Variants in STK40 observed in about 807,000 individuals in gnomAD.
The protein encoded by STK40 is serine/threonine kinase 40.
Under a neutral mutation model 47.9 loss-of-function variants are expected in STK40, and 13 were observed. The ratio of observed to expected loss-of-function variants is 0.27; its 90% CI spans 0.18 to 0.43. The LOEUF is 0.43. Ranked by LOEUF, STK40 falls within the 20% of genes least tolerant of loss-of-function variation. STK40 has a pLI of 1.00. For synonymous variants in STK40, 225 were observed against 243.2 expected (o/e 0.93, Z 0.69); for missense variants, 460 against 595.1 (o/e 0.77, Z 2.36).
At chr1:36,354,331 G>GT (rs776882069) in intron 6 of STK40, 33 bp downstream of exon 6, 3 of 1,612,732 alleles carry the variant, frequency 1.9e-6, no homozygotes, top group Admixed American at 3.3e-5. Context: ...CAGCCCCGGG[G>GT]TAACTGTATG....
rs772070192 is a variant in STK40, at chr1:36,341,942, T to A, written c.1121A>T (p.Glu374Val). 6.2e-7 allele frequency: 1 copy of A among 1,613,818 alleles called. No individual in the cohort carries two copies. The highest frequency in any genetic ancestry group is 1.3e-5 in the African/African-American group (1 of 74,938). Residue 374 changes from glutamate to valine, a missense_variant, in exon 11 of 11, where the codon GAG becomes GTG. Transcript: ENST00000373132. ...AKVTEECSQY[E>V]FENYMRQQLL... ...CTGCTGACGCATGTAGTTCTCAAAC[T>A]CGTACTGGGAGCACTCCTCCGTCAC... is the stretch of plus-strand genomic sequence containing the variant.
chr1:36,380,934 A>G (rs1019382311), intron 1 of STK40, among the ~76,000 whole-genome samples: 1 of 152,112 alleles, frequency 6.6e-6, no homozygotes, highest in Non-Finnish European at 1.5e-5. Context: ...TTCACTGGCC[A>G]TTATCTTCTC....
chr1:36,358,881 G>C (rs1455271789), intron 2 of STK40, 59 bp from the exon 3 acceptor site: 1 of 1,598,484 alleles, frequency 6.3e-7, no homozygotes, highest in Non-Finnish European at 8.6e-7. Flanking sequence ...ACGACGCCAG[G>C]TCACCACGTG....
chr1:36,343,598 A>C, intron 9 of STK40, 150 bp from the exon 10 acceptor site: 1 of 985,462 alleles, frequency 1.0e-6, no homozygotes, highest in South Asian at 1.7e-5. Context: ...AAAGGGGGAC[A>C]ATTTCTCCCT....
chr1:36,353,216 G>A (rs1378743827), intron 6 of STK40, among the ~76,000 whole-genome samples: 1 of 152,218 alleles, frequency 6.6e-6, no homozygotes, highest in Non-Finnish European at 1.5e-5. Flanking sequence ...CGAGTTGAGA[G>A]GTGACAGAGG....
At chr1:36,361,197 T>C (rs776462224) in intron 2 of STK40, 24 bp downstream of exon 2, 22 of 1,613,704 alleles carry the variant, frequency 1.4e-5, no homozygotes, top group Admixed American at 1.2e-4. Flanking sequence ...GCCCACCCAT[T>C]TTTCCCAAAG....
At chr1:36,366,464 C>T (rs1646902801) in intron 1 of STK40, among the ~76,000 whole-genome samples, 1 of 152,144 alleles carries the variant, frequency 6.6e-6, no homozygotes, top group Non-Finnish European at 1.5e-5. Context: ...AAGAGGCAGG[C>T]CCAGAAAACC....
intron 9 of STK40, 126 bp downstream of exon 9, chr1:36,343,734 A>G: frequency 2.1e-6 from 3 of 1,429,148 alleles, no homozygotes; most frequent in Non-Finnish European, 2.8e-6. Flanking sequence ...TTGTCCATGC[A>G]GAGAATCTGG....
intron 7 of STK40, among the ~76,000 whole-genome samples, chr1:36,345,987 A>ATTTTT (rs1397972473): frequency 2.0e-3 from 34 of 17,266 alleles, no homozygotes; most frequent in Non-Finnish European, 3.0e-3. Flanking sequence ...ATATATATAT[A>ATTTTT]TATATTTTTT....
At position 36,355,841 on chromosome 1, in the gene STK40, C is replaced by T. The variant is rs538439417; in HGVS notation, c.343-408G>A. Among the ~76,000 whole-genome samples, 21 of 152,236 alleles carry T rather than the reference C, an allele frequency of 1.4e-4. No homozygotes were observed. In the South Asian group the frequency reaches 2.9e-3, roughly 21 times the overall value. On this transcript the variant is annotated intron_variant, in intron 4 of 10. Coordinates refer to ENST00000373132, the MANE Select transcript of STK40 (RefSeq NM_001282547.2). ...AACCCCCTTTTGATATCTAAGATGG[C>T]GGAAGTTAGAAAGAGGTCAATCTTG... is the stretch of plus-strand genomic sequence containing the variant.
intron 4 of STK40, 29 bp downstream of exon 4, chr1:36,358,210 C>T (rs376301480): frequency 4.8e-5 from 74 of 1,554,992 alleles, no homozygotes; most frequent in Non-Finnish European, 5.7e-5. Context: ...CAGAGGTGAG[C>T]GCGAAGGGTG....
chr1:36,359,405 CA>C (rs1307615029), intron 2 of STK40, among the ~76,000 whole-genome samples: 1 of 151,968 alleles, frequency 6.6e-6, no homozygotes, highest in Admixed American at 6.6e-5. Flanking sequence ...AGCCCTGCCT[CA>C]AAAAAATCAA....
Position 36,345,461 on chromosome 1 carries a change from T to C in STK40, c.740-1197A>G, listed in dbSNP as rs151149406. On this transcript the variant is annotated intron_variant, in intron 7 of 10. Transcript: ENST00000373132. ...GAATAAGCACCTGCCCTGGCTGGTA[T>C]AGCAGGTAGTTCTGTGGAAGATGAG... is the stretch of plus-strand genomic sequence containing the variant. 5.1e-3 allele frequency among the ~76,000 whole-genome samples: 783 copies of C among 152,310 alleles called. 3 individuals are homozygous for C. The highest frequency in any genetic ancestry group is 8.5e-3 in the Non-Finnish European group (579 of 68,012).
chr1:36,345,991 A>ATATATATATATATTTTTTTTTTTT, intron 7 of STK40, among the ~76,000 whole-genome samples: 2 of 26,468 alleles, frequency 7.6e-5, no homozygotes, highest in African/African-American at 1.4e-4. Flanking sequence ...ATATATATAT[A>ATATATATATATATTTTTTTTTTTT]TTTTTTTTTT....
chr1:36,341,171 T>C lies in STK40; in HGVS notation c.*584A>G, dbSNP rs1646643599. 1 of 152,402 alleles carries C rather than the reference T, an allele frequency of 6.6e-6. No homozygotes were observed. 9.4% of individuals were successfully genotyped at this position (152,402 alleles called of 1,614,324 possible). The stretch of plus-strand genomic sequence containing the variant: ...GGCCATGGACTGAGCCACCTAGAGA[T>C]GGGAGAGAAGTTGGTATGGTAAAAA... On this transcript the variant is annotated 3_prime_UTR_variant, in exon 11 of 11. Transcript: ENST00000373132.
At chr1:36,346,908 A>G (rs547819329) in intron 7 of STK40, among the ~76,000 whole-genome samples, 6 of 152,280 alleles carry the variant, frequency 3.9e-5, no homozygotes, top group Admixed American at 1.3e-4. Context: ...GCCTGGCTCT[A>G]TCTCCTATGG....
At chr1:36,376,336 C>G (rs1007340758) in intron 1 of STK40, among the ~76,000 whole-genome samples, 1 of 152,136 alleles carries the variant, frequency 6.6e-6, no homozygotes, top group Admixed American at 6.5e-5. Context: ...CACCTCAGGC[C>G]TCCCAGGCTC....
chr1:36,356,643 T>C (rs576324606), intron 4 of STK40, among the ~76,000 whole-genome samples: 98 of 152,070 alleles, frequency 6.4e-4, no homozygotes, highest in African/African-American at 2.2e-3. Flanking sequence ...GCCAGTATGG[T>C]CTCAATCTCC....
At chr1:36,379,733 C>T (rs980726951) in intron 1 of STK40, among the ~76,000 whole-genome samples, 5 of 151,992 alleles carry the variant, frequency 3.3e-5, no homozygotes, top group African/African-American at 7.3e-5. Context: ...TCAGGACGTA[C>T]GACCTCAACC....
Sources: allele counts gnomAD v4.1 joint callset (sites outside exome capture counted in the v4.1 genomes callset), GRCh38; gene constraint gnomAD v4.1.1; transcripts MANE v1.5; gene names NCBI Gene and HGNC (gene_info 2026-07-23, HGNC 2026-07-21).